Variants in ADAMTS9 observed in about 807,000 individuals in gnomAD.
The protein encoded by ADAMTS9 is ADAM metallopeptidase with thrombospondin type 1 motif 9.
ADAMTS9 carries 107 observed loss-of-function variants against 257.1 expected under a neutral mutation model. That is an observed-to-expected ratio of 0.42 (90% CI 0.36 to 0.49). The LOEUF is 0.49. Among genes scored for constraint, ADAMTS9 ranks in the 20% least tolerant of loss-of-function variants. The pLI is 0.03. For synonymous variants in ADAMTS9, 982 were observed against 880.9 expected (o/e 1.11, Z -2.03); for missense variants, 2,353 against 2,469.1 (o/e 0.95, Z 1.00).
At chr3:64,593,958 ATGATGTGTGTGTGTGTG>A (rs1269790071) in intron 28 of ADAMTS9, among the ~76,000 whole-genome samples, 6 of 125,196 alleles carry the variant, frequency 4.8e-5, no homozygotes, top group South Asian at 2.5e-4. Context: ...GTGTGTGTGT[ATGATGTGTGTGTGTGTG>A]TGTGTGTGTG....
Position 64,674,736 on chromosome 3 carries a change from C to T in ADAMTS9, c.679+6465G>A, listed in dbSNP as rs528350456. The stretch of plus-strand genomic sequence containing the variant: ...GGATTCTGAAGTCAGCCAAAGCTTC[C>T]GTCACTGCCTGGAACCCATAGGCTG... On this transcript the variant is annotated intron_variant, in intron 3 of 39. Transcript: ENST00000498707. Among the ~76,000 whole-genome samples the T allele has an allele frequency of 9.2e-5, 14 of 152,322 alleles. No homozygotes were observed. In the South Asian group the frequency reaches 2.7e-3, roughly 29 times the overall value.
chr3:64,604,315 G>A lies in ADAMTS9; in HGVS notation c.3491C>T (p.Ser1164Leu), dbSNP rs2084520574. ...CGGGGCAGCTGGGGGAGGATGACAT[G>A]ATGGTAATTCACAGTCCTAGACGTG... ...PTDTQDCELP[S>L]CHPPPAAPET... The change falls in exon 24 of 40, where the codon TCA becomes TTA. Residue 1164 changes from serine to leucine, a missense_variant. Ser to Leu is a moderately radical substitution (Grantham distance 145, BLOSUM62 -2). This residue lies in a region of ADAMTS9 where 1,402 missense variants were observed against 1,441.4 expected (regional missense o/e 0.97). Transcript: ENST00000498707. 6.2e-7 allele frequency: 1 copy of A among 1,611,356 alleles called. No individual in the cohort carries two copies. The highest frequency in any genetic ancestry group is 1.3e-5 in the African/African-American group (1 of 74,628).
intron 6 of ADAMTS9, among the ~76,000 whole-genome samples, chr3:64,654,901 C>T (rs536875849): frequency 2.6e-5 from 4 of 152,134 alleles, no homozygotes; most frequent in Non-Finnish European, 4.4e-5. Flanking sequence ...GTAAATGATT[C>T]CAGTTTCGTA....
Position 64,613,602 on chromosome 3 carries a change from C to G in ADAMTS9, c.3190-93G>C, listed in dbSNP as rs13314979. 302 of 1,283,634 alleles carry G rather than the reference C, an allele frequency of 2.4e-4. 1 individual carries two copies. In the African/African-American group the frequency reaches 4.1e-3, roughly 17 times the overall value. The allele number at this position is 1,283,634 out of a possible 1,614,324, so 79.5% of individuals were successfully genotyped here. ...ATTGATGAGTAGGAACAGGTGTGTC[C>G]TTTTCCCACAGCAATCACTCTCCCA... On this transcript the variant is annotated intron_variant, in intron 21 of 39. Coordinates refer to ENST00000498707, the MANE Select transcript of ADAMTS9 (RefSeq NM_182920.2).
intron 26 of ADAMTS9, among the ~76,000 whole-genome samples, chr3:64,599,580 ACT>A (rs1418372628): frequency 1.3e-5 from 2 of 152,128 alleles, no homozygotes; most frequent in African/African-American, 4.8e-5. Flanking sequence ...CAATTAAGAC[ACT>A]CTGCCCTATT....
intron 38 of ADAMTS9, among the ~76,000 whole-genome samples, chr3:64,531,017 C>T (rs1040246280): frequency 6.6e-6 from 1 of 151,996 alleles, no homozygotes; most frequent in African/African-American, 2.4e-5. Context: ...AAAGCTCATG[C>T]ACTCTCTCTC....
intron 3 of ADAMTS9, among the ~76,000 whole-genome samples, chr3:64,676,624 C>G (rs753681607): frequency 3.9e-5 from 6 of 152,084 alleles, no homozygotes; most frequent in Non-Finnish European, 8.8e-5. Flanking sequence ...TCATTTTTAA[C>G]AGCTGCATAG....
At chr3:64,545,971 A>G (rs2083192538) in intron 32 of ADAMTS9, among the ~76,000 whole-genome samples, 1 of 152,156 alleles carries the variant, frequency 6.6e-6, no homozygotes, top group African/African-American at 2.4e-5. Context: ...GGGCAGTCCC[A>G]ATTTAAAATA....
At chr3:64,567,201 G>A (rs988636856) in intron 29 of ADAMTS9, among the ~76,000 whole-genome samples, 5 of 152,162 alleles carry the variant, frequency 3.3e-5, no homozygotes, top group African/African-American at 4.8e-5. Context: ...GAGGATTCTC[G>A]AATCCTCCCC....
intron 3 of ADAMTS9, among the ~76,000 whole-genome samples, chr3:64,680,745 G>A (rs1701733670): frequency 6.6e-6 from 1 of 152,130 alleles, no homozygotes; most frequent in Non-Finnish European, 1.5e-5. Context: ...ACACATATAT[G>A]TTTTCGTGGC....
intron 29 of ADAMTS9, chr3:64,562,985 C>G (rs1369197070): frequency 6.6e-6 from 1 of 152,140 alleles, no homozygotes; most frequent in Non-Finnish European, 1.5e-5. Context: ...AGAGGAGAAC[C>G]ATATGTTCAC....
chr3:64,674,895 G>A (rs561284611), intron 3 of ADAMTS9, among the ~76,000 whole-genome samples: 1 of 152,248 alleles, frequency 6.6e-6, no homozygotes, highest in South Asian at 2.1e-4. Flanking sequence ...GGATCCAAGA[G>A]GTTAATGTGT....
At chr3:64,531,948 G>A (rs962929856) in intron 38 of ADAMTS9, among the ~76,000 whole-genome samples, 1 of 152,168 alleles carries the variant, frequency 6.6e-6, no homozygotes, top group East Asian at 1.9e-4. Context: ...TCAGAGGGAA[G>A]GCTGTAAGTG....
intron 4 of ADAMTS9, among the ~76,000 whole-genome samples, chr3:64,657,611 T>G (rs9880695): frequency 0.018 from 2,670 of 152,242 alleles, 63 homozygotes; most frequent in African/African-American, 0.061. Flanking sequence ...GTGTTGGGAT[T>G]ACAGGCATGA....
At chr3:64,517,533 A>G (rs111366391) in intron 39 of ADAMTS9, among the ~76,000 whole-genome samples, 3 of 141,708 alleles carry the variant, frequency 2.1e-5, no homozygotes, top group African/African-American at 7.8e-5. Context: ...TGCTGGCATT[A>G]TAGGCATGAA....
At chr3:64,641,557 GGA>G (rs577229354) in intron 12 of ADAMTS9, among the ~76,000 whole-genome samples, 352 of 147,296 alleles carry the variant, frequency 2.4e-3, no homozygotes, top group Non-Finnish European at 4.1e-3. Flanking sequence ...AGTGTAGCAG[GGA>G]GAGTGAGACC....
chr3:64,630,874 T>C (rs1377438749), intron 16 of ADAMTS9, among the ~76,000 whole-genome samples: 2 of 152,126 alleles, frequency 1.3e-5, no homozygotes, highest in Non-Finnish European at 2.9e-5. Context: ...GGTTTAAATA[T>C]AAGGAATAGA....
chr3:64,611,621 G>C (rs1444607104), intron 22 of ADAMTS9, among the ~76,000 whole-genome samples: 1 of 152,120 alleles, frequency 6.6e-6, no homozygotes, highest in Non-Finnish European at 1.5e-5. Context: ...CAGATCATTA[G>C]ACATTAGATT....
rs1700093107 is a variant in ADAMTS9 at position 64,621,140 on chromosome 3, T to C, written c.2787A>G (p.Glu929=). 3 of 1,613,698 alleles carry C rather than the reference T, an allele frequency of 1.9e-6. No homozygotes were observed. Among genetic ancestry groups the C allele is most frequent in the Non-Finnish European group, 2.5e-6 (3 of 1,179,806 alleles). ...DRLPQPGHIT[E]PCGTDCDLRW... ...TCAGGTCACAGTCTGTACCACAGGG[T>C]TCAGTAATGTGTCCAGGCTGGGGCA... is the stretch of plus-strand genomic sequence containing the variant. Residue 929 remains glutamate, a synonymous_variant, in exon 19 of 40, where the codon GAA becomes GAG. Transcript: ENST00000498707.
Sources: gnomAD v4.1 joint callset for allele counts (sites outside exome capture counted in the v4.1 genomes callset) on GRCh38, gnomAD v4.1.1 for gene constraint, gnomAD v4.1.1 regional missense constraint, MANE v1.5 for transcripts, NCBI Gene and HGNC (gene_info 2026-07-23, HGNC 2026-07-21) for gene names.